The following TASP1 variants were observed in gnomAD, a reference collection of about 807,000 sequenced individuals.
The protein encoded by TASP1 is taspase 1, also known as threonine aspartase 1.
A neutral mutation model predicts 56.6 loss-of-function variants in TASP1; 16 were observed. The observed-to-expected ratio is 0.28, with a 90% CI of 0.19 to 0.43. The LOEUF (loss-of-function observed/expected upper bound fraction) is 0.43, where lower values mean the gene tolerates loss of function less well. Ranked by LOEUF, TASP1 falls within the 20% of genes least tolerant of loss-of-function variation. TASP1 has a pLI of 1.00. For missense variants in TASP1, 393 were observed against 511.6 expected, an observed-to-expected ratio of 0.77 and a Z score of 2.24; for synonymous variants, 179 against 184.2, an observed-to-expected ratio of 0.97 and a Z score of 0.23.
chr20:13,600,846 T>A (rs994454177), intron 4 of TASP1, among the ~76,000 whole-genome samples: 5 of 152,162 alleles, frequency 3.3e-5, no homozygotes, highest in Non-Finnish European at 7.3e-5. Context: ...CTCTGTCAGC[T>A]GAGAGGCCCT....
At chr20:13,154,007 G>A in the TASP1 span, 20 of 1,613,890 alleles carry the variant, frequency 1.2e-5, no homozygotes, top group South Asian at 2.1e-4. Context: ...TTTCAGGGCT[G>A]CAGAGAGTAC....
chr20:13,421,583 T>G (rs2042434441), intron 12 of TASP1, among the ~76,000 whole-genome samples: 1 of 152,262 alleles, frequency 6.6e-6, no homozygotes, highest in East Asian at 1.9e-4. Flanking sequence ...CTAAAACATA[T>G]GAAAAGATAA....
At chr20:13,236,449 C>A in the TASP1 span, among the ~76,000 whole-genome samples, 6 of 152,100 alleles carry the variant, frequency 3.9e-5, no homozygotes, top group Admixed American at 3.9e-4. Context: ...TGATTGGGGA[C>A]ACAACCAAGT....
chr20:13,183,937 G>C, the TASP1 span, among the ~76,000 whole-genome samples: 3 of 151,442 alleles, frequency 2.0e-5, no homozygotes, highest in Non-Finnish European at 4.4e-5. Context: ...GCTGAGGCGG[G>C]AGAATGGTGT....
At chr20:13,298,844 G>C in the TASP1 span, 28 of 1,225,414 alleles carry the variant, frequency 2.3e-5, no homozygotes, top group Non-Finnish European at 3.0e-5. Flanking sequence ...GTCCTCCTGC[G>C]GGCCCTCAGG....
At chr20:13,259,288 A>AC in the TASP1 span, among the ~76,000 whole-genome samples, 5 of 151,902 alleles carry the variant, frequency 3.3e-5, no homozygotes, top group South Asian at 6.3e-4. Context: ...CTCAAAAAAA[A>AC]AAAAACAAAA....
intron 4 of TASP1, among the ~76,000 whole-genome samples, chr20:13,614,456 A>G (rs985723551): frequency 3.9e-5 from 6 of 152,202 alleles, no homozygotes; most frequent in African/African-American, 1.4e-4. Flanking sequence ...TTTGTTCATT[A>G]GAGCATTTGT....
chr20:13,491,372 T>C (rs530135345), intron 10 of TASP1, among the ~76,000 whole-genome samples: 52 of 152,326 alleles, frequency 3.4e-4, no homozygotes, highest in African/African-American at 1.2e-3. Flanking sequence ...ACTCCTGCGT[T>C]CACAATACTT....
intron 8 of TASP1, among the ~76,000 whole-genome samples, chr20:13,545,034 A>G (rs909877440): frequency 6.6e-6 from 1 of 152,152 alleles, no homozygotes; most frequent in Admixed American, 6.5e-5. Flanking sequence ...TTAACATGAG[A>G]TTTTTTAAGT....
intron 12 of TASP1, among the ~76,000 whole-genome samples, chr20:13,425,457 T>C (rs2042587297): frequency 6.6e-6 from 1 of 152,148 alleles, no homozygotes; most frequent in African/African-American, 2.4e-5. Flanking sequence ...AAAATATATA[T>C]ACATATATTG....
At chr20:13,234,645 T>C in the TASP1 span, among the ~76,000 whole-genome samples, 1 of 152,268 alleles carries the variant, frequency 6.6e-6, no homozygotes, top group Non-Finnish European at 1.5e-5. Context: ...ACAATAGCTA[T>C]TCTGACTTGT....
intron 4 of TASP1, among the ~76,000 whole-genome samples, chr20:13,619,120 G>GCTTCGGCCTCCCAAAGATCCGTCCA (rs2048624242): frequency 6.6e-5 from 10 of 151,974 alleles, no homozygotes; most frequent in Admixed American, 6.6e-4. Context: ...TGATCCATCC[G>GCTTCGGCCTCCCAAAGATCCGTCCA]CTTCGGCCTC....
At chr20:13,322,024 T>C in the TASP1 span, among the ~76,000 whole-genome samples, 2 of 152,232 alleles carry the variant, frequency 1.3e-5, no homozygotes, top group South Asian at 2.1e-4. Context: ...ATTTATATTA[T>C]GGAAATTGTG....
intron 11 of TASP1, among the ~76,000 whole-genome samples, chr20:13,457,100 A>C (rs978104488): frequency 1.3e-5 from 2 of 151,954 alleles, no homozygotes; most frequent in African/African-American, 4.8e-5. Flanking sequence ...GGCAGTGAAC[A>C]TCACACACTG....
the TASP1 span, among the ~76,000 whole-genome samples, chr20:13,367,816 A>G: frequency 6.6e-6 from 1 of 152,214 alleles, no homozygotes; most frequent in Middle Eastern, 3.2e-3. Context: ...GATTCCTCCA[A>G]GTAAATTGAC....
At chr20:13,446,697 G>A (rs1830748249) in intron 11 of TASP1, among the ~76,000 whole-genome samples, 1 of 151,964 alleles carries the variant, frequency 6.6e-6, no homozygotes, top group African/African-American at 2.4e-5. Context: ...GTTTTTATCA[G>A]AAAAAACGGA....
At chr20:13,586,466 C>T (rs1313155122) in intron 5 of TASP1, among the ~76,000 whole-genome samples, 1 of 152,076 alleles carries the variant, frequency 6.6e-6, no homozygotes, top group East Asian at 1.9e-4. Flanking sequence ...TAGGAACAGG[C>T]AAATTAATCT....
intron 11 of TASP1, among the ~76,000 whole-genome samples, chr20:13,462,417 A>G (rs956309763): frequency 6.6e-6 from 1 of 152,178 alleles, no homozygotes; most frequent in African/African-American, 2.4e-5. Flanking sequence ...TGACTGTTAA[A>G]GAAAAGCGAA....
At chr20:13,556,842 T>TCATTAA (rs1252537693) in intron 8 of TASP1, among the ~76,000 whole-genome samples, 1 of 152,236 alleles carries the variant, frequency 6.6e-6, no homozygotes, top group Non-Finnish European at 1.5e-5. Context: ...AAGTCTTCAT[T>TCATTAA]CAGACTCTCA....
Sources: allele counts gnomAD v4.1 joint callset (sites outside exome capture counted in the v4.1 genomes callset), GRCh38; gene constraint gnomAD v4.1.1; transcripts MANE v1.5; gene names NCBI Gene and HGNC (gene_info 2026-07-23, HGNC 2026-07-21).